AK9: variants seen among roughly 807,000 people sequenced by gnomAD.
The protein encoded by AK9 is adenylate kinase domain containing 1.
A neutral mutation model predicts 239.6 loss-of-function variants in AK9; 191 were observed. The observed-to-expected ratio is 0.80, with a 90% CI of 0.71 to 0.90. The LOEUF (loss-of-function observed/expected upper bound fraction) is 0.90. Among genes scored for constraint, AK9 ranks in the 40% least tolerant of loss-of-function variants. The probability of loss-of-function intolerance (pLI) is 0.00; values close to 1 mark genes in which losing one functional copy is unlikely to be tolerated. For missense variants in AK9, 1,995 were observed against 2,214.7 expected, an observed-to-expected ratio of 0.90 and a Z score of 1.99; for synonymous variants, 689 against 721.0, an observed-to-expected ratio of 0.96 and a Z score of 0.71.
At chr6:109,651,194 C>T (rs1798884440) in intron 8 of AK9, among the ~76,000 whole-genome samples, 3 of 151,814 alleles carry the variant, frequency 2.0e-5, no homozygotes, top group African/African-American at 7.3e-5. Context: ...AACAAACCTG[C>T]ACGTTGTGCA....
intron 17 of AK9, among the ~76,000 whole-genome samples, chr6:109,601,108 C>T (rs146166167): frequency 0.047 from 7,095 of 152,164 alleles, 219 homozygotes; most frequent in Middle Eastern, 0.082. Context: ...TTATTTCTTG[C>T]CTTCTGCTAG....
chr6:109,578,897 G>A (rs996644949), intron 20 of AK9, among the ~76,000 whole-genome samples: 4 of 152,002 alleles, frequency 2.6e-5, no homozygotes, highest in South Asian at 2.1e-4. Context: ...GAGAGTACTC[G>A]GTATAATTTT....
chr6:109,595,407 T>C (rs1217969095), intron 17 of AK9, among the ~76,000 whole-genome samples: 1 of 152,038 alleles, frequency 6.6e-6, no homozygotes, highest in Non-Finnish European at 1.5e-5. Flanking sequence ...TTGGTGGGAG[T>C]GTAAATTAGT....
intron 3 of AK9, 64 bp from the exon 4 acceptor site, chr6:109,672,231 T>C (rs1259686051): frequency 7.4e-7 from 1 of 1,346,396 alleles, no homozygotes; most frequent in African/African-American, 1.4e-5. Flanking sequence ...AAGAAACACA[T>C]TCTAGTGTCT....
At chr6:109,554,789 T>C (rs9487148) in intron 24 of AK9, among the ~76,000 whole-genome samples, 88,498 of 151,934 alleles carry the variant, frequency 0.58, 27,454 homozygotes, top group South Asian at 0.84. Flanking sequence ...GCCTTGGCCT[T>C]CCAAAGTGCT....
At chr6:109,624,030 A>C (rs944136679) in intron 12 of AK9, among the ~76,000 whole-genome samples, 2 of 151,966 alleles carry the variant, frequency 1.3e-5, no homozygotes, top group African/African-American at 4.8e-5. Flanking sequence ...GAACATGTTC[A>C]TATTTCTGTT....
intron 25 of AK9, among the ~76,000 whole-genome samples, chr6:109,547,095 G>T (rs368256049): frequency 6.6e-6 from 1 of 152,224 alleles, no homozygotes; most frequent in African/African-American, 2.4e-5. Context: ...ACAGAAAAGG[G>T]TAAGTGGCCA....
chr6:109,500,671 G>C (rs1427378123), intron 35 of AK9, among the ~76,000 whole-genome samples: 1 of 152,116 alleles, frequency 6.6e-6, no homozygotes, highest in African/African-American at 2.4e-5. Flanking sequence ...CCTTATCTAA[G>C]ACCCTTGGGG....
chr6:109,509,047 C>G, intron 33 of AK9, 132 bp downstream of exon 33: 1 of 987,860 alleles, frequency 1.0e-6, no homozygotes, highest in South Asian at 1.9e-5. Context: ...TATAGGTGCC[C>G]AGAGTTTGAG....
At chr6:109,495,310 T>C (rs1181173014) in intron 39 of AK9, 28 bp downstream of exon 39, 1 of 1,532,386 alleles carries the variant, frequency 6.5e-7, no homozygotes, top group Non-Finnish European at 9.0e-7. Context: ...TCTTCTAACA[T>C]ATATAACAGA....
chr6:109,528,269 A>C (rs1048433117), intron 29 of AK9: 2 of 341,582 alleles, frequency 5.9e-6, no homozygotes, highest in African/African-American at 2.2e-5. Flanking sequence ...TTGATCCTAA[A>C]CATTAGCATG....
chr6:109,684,873 C>CAAAAAAAAAAAAAAAAA (rs60500211), intron 1 of AK9, among the ~76,000 whole-genome samples: 2 of 21,870 alleles, frequency 9.1e-5, no homozygotes, highest in Non-Finnish European at 1.6e-4. Context: ...GACTCCGTCT[C>CAAAAAAAAAAAAAAAAA]AAAAAAAAAA....
intron 3 of AK9, among the ~76,000 whole-genome samples, chr6:109,673,528 T>A (rs1188085929): frequency 6.6e-6 from 1 of 152,034 alleles, no homozygotes; most frequent in Non-Finnish European, 1.5e-5. Context: ...ATTAAAAGAA[T>A]ATTTATATAT....
At chr6:109,575,739 T>G (rs1285716437) in intron 20 of AK9, among the ~76,000 whole-genome samples, 2 of 152,186 alleles carry the variant, frequency 1.3e-5, no homozygotes, top group Non-Finnish European at 2.9e-5. Flanking sequence ...ACTCTTTGCC[T>G]AAGCCAATGT....
At chr6:109,632,677 C>T (rs1394745347) in intron 12 of AK9, 1 of 908,764 alleles carries the variant, frequency 1.1e-6, no homozygotes, top group Non-Finnish European at 1.5e-6. Context: ...ACGATATTCA[C>T]ATGTGGGAGC....
At chr6:109,664,645 G>A (rs535122633) in intron 5 of AK9, among the ~76,000 whole-genome samples, 32 of 151,824 alleles carry the variant, frequency 2.1e-4, no homozygotes, top group African/African-American at 6.7e-4. Flanking sequence ...GGATGGTCTC[G>A]ATCTCCCGAT....
chr6:109,640,700 G>GT (rs1445095099), intron 10 of AK9, among the ~76,000 whole-genome samples: 4 of 151,744 alleles, frequency 2.6e-5, no homozygotes, highest in Non-Finnish European at 5.9e-5. Flanking sequence ...ACTGTGCCCA[G>GT]TCCTGGTATG....
chr6:109,580,453 C>T (rs9386818), intron 19 of AK9, among the ~76,000 whole-genome samples: 88,530 of 152,008 alleles, frequency 0.58, 27,467 homozygotes, highest in East Asian at 0.84. Context: ...CAAAGAAACA[C>T]ACAAAAGAAT....
intron 12 of AK9, among the ~76,000 whole-genome samples, chr6:109,630,041 C>A (rs1795957914): frequency 6.6e-6 from 1 of 152,072 alleles, no homozygotes. Context: ...CTTGCACTAT[C>A]TAAGAAGTAT....
Sources: gnomAD v4.1 joint callset for allele counts (sites outside exome capture counted in the v4.1 genomes callset) on GRCh38, gnomAD v4.1.1 for gene constraint, MANE v1.5 for transcripts, NCBI Gene and HGNC (gene_info 2026-07-23, HGNC 2026-07-21) for gene names.